The following ARID2 variants were observed in gnomAD, a reference collection of about 807,000 sequenced individuals.
ARID2 encodes the protein AT-rich interactive domain-containing protein 2.
In ARID2, 32 loss-of-function variants were observed where a neutral mutation model predicts 184.6. That is an observed-to-expected ratio of 0.17 (90% confidence interval 0.13 to 0.23). The LOEUF is 0.23. Ranked by LOEUF, ARID2 falls within the 10% of genes least tolerant of loss-of-function variation. ARID2 has a pLI of 1.00. For synonymous variants in ARID2, 836 were observed against 772.6 expected (o/e 1.08, Z -1.36); for missense variants, 1,696 against 2,197.6 (o/e 0.77, Z 4.56).
chr12:45,865,443 AAAAC>A (rs200947220), intron 16 of ARID2, among the ~76,000 whole-genome samples: 1,605 of 152,240 alleles, frequency 0.011, 20 homozygotes, highest in South Asian at 0.026. Context: ...TTTGTAAAAG[AAAAC>A]AAAGTAACCC....
At chr12:45,757,924 A>G (rs1941599018) in intron 3 of ARID2, among the ~76,000 whole-genome samples, 1 of 152,204 alleles carries the variant, frequency 6.6e-6, no homozygotes, top group African/African-American at 2.4e-5. Flanking sequence ...CGTTAACTCC[A>G]GTATTTCTCT....
chr12:45,770,978 C>A (rs1941864624), intron 3 of ARID2, among the ~76,000 whole-genome samples: 1 of 152,152 alleles, frequency 6.6e-6, no homozygotes, highest in South Asian at 2.1e-4. Flanking sequence ...TGACTGCCTC[C>A]TGTCACTACC....
At chr12:45,780,873 G>A (rs1942077233) in intron 3 of ARID2, among the ~76,000 whole-genome samples, 1 of 152,102 alleles carries the variant, frequency 6.6e-6, no homozygotes, top group African/African-American at 2.4e-5. Flanking sequence ...ACCTGCCTTA[G>A]CCTCCCAAAG....
chr12:45,888,687 A>G (rs1484016230), intron 16 of ARID2, among the ~76,000 whole-genome samples: 1 of 152,194 alleles, frequency 6.6e-6, no homozygotes, highest in African/African-American at 2.4e-5. Flanking sequence ...ATATCATCAA[A>G]TTTAAGCCTC....
rs944136578 is a variant in ARID2 at position 45,850,863 on chromosome 12, C to T, written c.2740C>T (p.Pro914Ser). Residue 914 changes from proline to serine, a missense_variant, in exon 15 of 21, where the codon CCT (proline) becomes TCT (serine). Transcript: ENST00000334344. Reference protein sequence around the residue: ...QQVSSTVVQQPIQQPQQPTQQ... With the variant: ...QQVSSTVVQQSIQQPQQPTQQ... ...AGTTTCATCTACAGTGGTACAGCAGCCTATTCAACAACCACAGCAGCCAAC... is the reference window on the plus strand; with the variant it reads ...AGTTTCATCTACAGTGGTACAGCAGTCTATTCAACAACCACAGCAGCCAAC... 13 of 1,614,132 alleles carry T rather than the reference C, an allele frequency of 8.1e-6. No individual in the cohort carries two copies. The highest frequency in any genetic ancestry group is 1.1e-5 in the Non-Finnish European group (13 of 1,180,024).
At position 45,823,293 on chromosome 12, in the gene ARID2, C is replaced by T. The variant is rs904619852; in HGVS notation, c.705+1806C>T. Among the ~76,000 whole-genome samples the T allele has an allele frequency of 5.9e-4, 89 of 152,044 alleles. 3 individuals are homozygous for T. The highest frequency in any genetic ancestry group is 1.9e-4 in the East Asian group (1 of 5,182). ...ACAATATGCCAAAACCCATTGGATACAGCAGAAGCAGTCCTAAGAGGGAAG... is the reference window on the plus strand; with the variant it reads ...ACAATATGCCAAAACCCATTGGATATAGCAGAAGCAGTCCTAAGAGGGAAG... On this transcript the variant is annotated intron_variant, in intron 6 of 20. Coordinates refer to ENST00000334344, the MANE Select transcript of ARID2 (RefSeq NM_152641.4).
intron 16 of ARID2, among the ~76,000 whole-genome samples, chr12:45,870,513 G>C (rs1367150214): frequency 6.6e-6 from 1 of 152,086 alleles, no homozygotes; most frequent in Non-Finnish European, 1.5e-5. Flanking sequence ...TGTGGGTTTT[G>C]ACAAATGCGT....
At chr12:45,846,474 T>C (rs528495601) in intron 11 of ARID2, among the ~76,000 whole-genome samples, 1 of 152,272 alleles carries the variant, frequency 6.6e-6, no homozygotes, top group East Asian at 1.9e-4. Context: ...GTTTTTTAAA[T>C]CACTTTGAGT....
At chr12:45,798,773 T>C (rs2138065005) in intron 3 of ARID2, among the ~76,000 whole-genome samples, 1 of 152,178 alleles carries the variant, frequency 6.6e-6, no homozygotes, top group East Asian at 1.9e-4. Flanking sequence ...GTAATGGTTC[T>C]ACTTATACCT....
rs551943982 is a variant in ARID2 at position 45,780,800 on chromosome 12, A to G, written c.285-30618A>G. On this transcript the variant is annotated intron_variant, in intron 3 of 20. Transcript: ENST00000334344. ...CGCCTGGCTAATTTTTTGTATTTTT[A>G]GTAGTGATGGGGTTTCACTATGTTG... 2.0e-5 allele frequency among the ~76,000 whole-genome samples: 3 copies of G among 152,006 alleles called. No homozygotes were observed. In the East Asian group the frequency reaches 5.8e-4, roughly 29 times the overall value.
intron 20 of ARID2, among the ~76,000 whole-genome samples, chr12:45,901,758 C>A (rs1944463519): frequency 6.6e-6 from 1 of 151,974 alleles, no homozygotes; most frequent in African/African-American, 2.4e-5. Context: ...ACCTCCTGGG[C>A]TCAAGTGATC....
chr12:45,782,837 G>A (rs1275500586), intron 3 of ARID2, among the ~76,000 whole-genome samples: 1 of 151,996 alleles, frequency 6.6e-6, no homozygotes, highest in East Asian at 1.9e-4. Context: ...GGCCGGGTGC[G>A]GTGGTTCATG....
chr12:45,775,896 G>A (rs532454012), intron 3 of ARID2, among the ~76,000 whole-genome samples: 2 of 152,176 alleles, frequency 1.3e-5, no homozygotes, highest in South Asian at 2.1e-4. Flanking sequence ...TTAACCTTTC[G>A]AAGAATGTTT....
At chr12:45,729,969 G>A (rs1431189156) in intron 1 of ARID2, 41 bp downstream of exon 1, 8 of 1,604,748 alleles carry the variant, frequency 5.0e-6, no homozygotes, top group Non-Finnish European at 6.0e-6. Context: ...GGCGAGCCGG[G>A]GCGAACGGGG....
rs1943514353 is a variant in ARID2, at chr12:45,850,029, T to C, written c.1913-7T>C. ...TTGGAATTTTGACGTTTTCTTCATA[T>C]TTTCAGGAATCCCTCATGGATCACA... On this transcript the variant is annotated splice_polypyrimidine_tract_variant and splice_region_variant and intron_variant, in intron 14 of 20. Transcript: ENST00000334344. 1 of 1,574,054 alleles carries C rather than the reference T, an allele frequency of 6.4e-7. No individual in the cohort carries two copies. The highest frequency in any genetic ancestry group is 1.4e-5 in the African/African-American group (1 of 73,104).
chr12:45,880,410 G>A (rs1241147379), intron 16 of ARID2, among the ~76,000 whole-genome samples: 4 of 152,282 alleles, frequency 2.6e-5, no homozygotes, highest in African/African-American at 9.6e-5. Flanking sequence ...CCCAAGTGAT[G>A]TTGAGGTTCA....
chr12:45,843,355 G>A (rs1178900788), intron 11 of ARID2, among the ~76,000 whole-genome samples: 5 of 150,416 alleles, frequency 3.3e-5, no homozygotes, highest in South Asian at 2.1e-4. Flanking sequence ...TGGATCAGGT[G>A]GGACCTGAGA....
At chr12:45,835,852 A>C (rs1943211175) in intron 6 of ARID2, among the ~76,000 whole-genome samples, 1 of 151,912 alleles carries the variant, frequency 6.6e-6, no homozygotes. Flanking sequence ...GTGAGCCGAG[A>C]TGGTGCCATT....
chr12:45,748,151 C>T (rs1002138766), intron 3 of ARID2, among the ~76,000 whole-genome samples: 1 of 152,106 alleles, frequency 6.6e-6, no homozygotes, highest in African/African-American at 2.4e-5. Context: ...TTGCTTGAGG[C>T]CAGGAGTTTG....
Sources: gnomAD v4.1 joint callset for allele counts (sites outside exome capture counted in the v4.1 genomes callset) on GRCh38, gnomAD v4.1.1 for gene constraint, MANE v1.5 for transcripts, NCBI Gene and HGNC (gene_info 2026-07-23, HGNC 2026-07-21) for gene names.